The following DSG2 variants were observed in gnomAD, a reference collection of about 807,000 sequenced individuals.
DSG2 encodes the protein desmoglein 2.
DSG2 carries 45 observed loss-of-function variants against 75.6 expected under a neutral mutation model. The ratio of observed to expected loss-of-function variants is 0.60; its 90% CI spans 0.47 to 0.76. DSG2 has a LOEUF of 0.76. DSG2 is among the 30% of genes least tolerant of loss of function. DSG2 has a pLI of 0.00. For missense variants in DSG2, 1,267 were observed against 1,357.4 expected (o/e 0.93, Z 1.05); for synonymous variants, 429 against 483.9 (o/e 0.89, Z 1.49).
At chr18:31,541,430 CAT>C (rs2073267515) in intron 13 of DSG2, 116 bp downstream of exon 13, 4 of 1,337,050 alleles carry the variant, frequency 3.0e-6, no homozygotes, top group Admixed American at 2.0e-5. Flanking sequence ...GGATTTCACT[CAT>C]GTGCCTTTGT....
In DSG2 at chr18:31,521,203, G is replaced by A; in HGVS notation, c.483G>A (p.Gln161=). The change falls in exon 5 of 15, where the codon CAG becomes CAA. Residue 161 remains glutamine (Q), a synonymous_variant. Transcript: ENST00000261590. ...DINDNEPVFT[Q]DVFVGSVEEL... ...ATGACAACGAACCAGTGTTCACACAGGATGTCTTTGTTGGGTCTGTTGAAG... is the reference window on the plus strand; with the variant it reads ...ATGACAACGAACCAGTGTTCACACAAGATGTCTTTGTTGGGTCTGTTGAAG... 1 of 1,613,530 alleles carries A rather than the reference G, an allele frequency of 6.2e-7. No homozygotes were observed. Among genetic ancestry groups the A allele is most frequent in the Non-Finnish European group, 8.5e-7 (1 of 1,179,840 alleles).
intron 10 of DSG2, 141 bp downstream of exon 10, chr18:31,535,553 T>C: frequency 1.4e-6 from 1 of 728,342 alleles, no homozygotes; most frequent in South Asian, 1.8e-5. Flanking sequence ...CCCAGCACTT[T>C]GGGAGGCCAA....
chr18:31,505,087 C>T (rs984849801), intron 1 of DSG2, among the ~76,000 whole-genome samples: 15 of 152,214 alleles, frequency 9.9e-5, no homozygotes, highest in African/African-American at 3.6e-4. Context: ...TAATCAGAAG[C>T]TGGCAACGAC....
At chr18:31,500,134 C>G (rs1338747940) in intron 1 of DSG2, among the ~76,000 whole-genome samples, 1 of 151,588 alleles carries the variant, frequency 6.6e-6, no homozygotes, top group Non-Finnish European at 1.5e-5. Flanking sequence ...AAATTGTAGT[C>G]TGTTAGATCA....
intron 1 of DSG2, among the ~76,000 whole-genome samples, chr18:31,507,551 AAAAGCATTC>A (rs1323853500): frequency 1.3e-5 from 2 of 152,220 alleles, no homozygotes; most frequent in African/African-American, 4.8e-5. Flanking sequence ...CCAACAGTGT[AAAAGCATTC>A]CTATTTCTCC....
chr18:31,543,005 G>C, intron 14 of DSG2, 153 bp downstream of exon 14: 3 of 642,414 alleles, frequency 4.7e-6, no homozygotes, highest in Non-Finnish European at 7.5e-6. Flanking sequence ...AGGCAATAAG[G>C]AAAGAGAAAT....
intron 2 of DSG2, 115 bp downstream of exon 2, chr18:31,518,389 T>TTCCCA: frequency 1.1e-6 from 1 of 894,840 alleles, no homozygotes; most frequent in Non-Finnish European, 1.9e-6. Context: ...GACCCAGCCA[T>TTCCCA]TCCCATTCAA....
intron 1 of DSG2, among the ~76,000 whole-genome samples, chr18:31,510,847 C>T (rs1405181679): frequency 6.6e-6 from 1 of 152,172 alleles, no homozygotes; most frequent in African/African-American, 2.4e-5. Context: ...TGACATTTTT[C>T]TGTCACCAAG....
intron 14 of DSG2, 41 bp downstream of exon 14, chr18:31,542,893 G>A: frequency 3.2e-6 from 3 of 947,152 alleles, no homozygotes; most frequent in Non-Finnish European, 3.0e-6. Flanking sequence ...GGGGTGGGGG[G>A]AACATTTGTA....
chr18:31,538,249 T>A (rs1419360412), intron 11 of DSG2, among the ~76,000 whole-genome samples: 1 of 152,280 alleles, frequency 6.6e-6, no homozygotes, highest in East Asian at 1.9e-4. Flanking sequence ...CCATTTTGAA[T>A]GTATATAGTG....
At chr18:31,503,429 T>C (rs1294888450) in intron 1 of DSG2, among the ~76,000 whole-genome samples, 1 of 152,132 alleles carries the variant, frequency 6.6e-6, no homozygotes, top group Non-Finnish European at 1.5e-5. Flanking sequence ...AAATGATAGT[T>C]CATGGTTCTG....
chr18:31,539,101 G>A, intron 12 of DSG2, 123 bp downstream of exon 12: 1 of 901,798 alleles, frequency 1.1e-6, no homozygotes, highest in Admixed American at 1.9e-5. Flanking sequence ...AGCACTTTGA[G>A]GGTGAATAGG....
At position 31,524,804 on chromosome 18, in the gene DSG2, T is replaced by G. The variant is rs750874996; in HGVS notation, c.930T>G (p.Phe310Leu). The G allele has an allele frequency of 6.2e-7, 1 of 1,614,082 alleles. No homozygotes were observed. The highest frequency in any genetic ancestry group is 8.5e-7 in the Non-Finnish European group (1 of 1,180,028). Residue 310 changes from phenylalanine (F) to leucine (L), a missense_variant, in exon 8 of 15, where the codon TTT (phenylalanine) becomes TTG (leucine). Coordinates refer to ENST00000261590, the MANE Select transcript of DSG2 (RefSeq NM_001943.5). ...EIGSDNWLAN[F>L]TFASGNEGGY... ...GTTCTGATAATTGGCTGGCAAATTT[T>G]ACATTTGCATCAGGAAATGAAGGAG...
chr18:31,543,004 G>A, intron 14 of DSG2, 152 bp downstream of exon 14: 3 of 645,256 alleles, frequency 4.6e-6, no homozygotes, highest in Non-Finnish European at 5.0e-6. Context: ...TAGGCAATAA[G>A]GAAAGAGAAA....
chr18:31,521,323 A>C, intron 5 of DSG2, 80 bp downstream of exon 5: 6 of 1,400,204 alleles, frequency 4.3e-6, no homozygotes, highest in Non-Finnish European at 5.9e-6. Flanking sequence ...ACTAAATTTC[A>C]TATCTTAATG....
At position 31,547,022 on chromosome 18, in the gene DSG2, T is replaced by C. The variant is rs1234434833; in HGVS notation, c.*279T>C. On this transcript the variant is annotated 3_prime_UTR_variant, in exon 15 of 15. Transcript: ENST00000261590. ...AACAATCCTGATAAAACAAGATACA[T>C]AGAGAGTCAATCTGGCTTCTGAGAA... 1.0e-5 allele frequency: 5 copies of C among 484,760 alleles called. No individual in the cohort carries two copies. Among genetic ancestry groups the C allele is most frequent in the Middle Eastern group, 5.9e-4 (1 of 1,698 alleles). The allele number at this position is 484,760 out of a possible 1,614,324, so 30.0% of individuals were successfully genotyped here.
intron 1 of DSG2, among the ~76,000 whole-genome samples, chr18:31,504,100 G>A (rs1168274957): frequency 6.6e-6 from 1 of 152,078 alleles, no homozygotes; most frequent in Non-Finnish European, 1.5e-5. Context: ...AACAAATATT[G>A]AGCACCTACT....
chr18:31,511,037 G>T (rs531799820), intron 1 of DSG2, among the ~76,000 whole-genome samples: 19 of 152,310 alleles, frequency 1.2e-4, no homozygotes, highest in Admixed American at 8.5e-4. Context: ...GAGGACTAAG[G>T]CAGAGAGTTT....
At chr18:31,522,051 T>A in intron 5 of DSG2, 32 bp from the exon 6 acceptor site, 1 of 1,604,358 alleles carries the variant, frequency 6.2e-7, no homozygotes, top group Non-Finnish European at 8.5e-7. Flanking sequence ...AAAGTTGAAT[T>A]TCATCTTAGA....
Sources: allele counts gnomAD v4.1 joint callset (sites outside exome capture counted in the v4.1 genomes callset), GRCh38; gene constraint gnomAD v4.1.1; transcripts MANE v1.5; gene names NCBI Gene and HGNC (gene_info 2026-07-23, HGNC 2026-07-21).